NAV2: variants seen among roughly 807,000 people sequenced by gnomAD.
The protein encoded by NAV2 is helicase, APC down-regulated 1.
In NAV2, 54 loss-of-function variants were observed where a neutral mutation model predicts 223.2. The observed-to-expected ratio is 0.24, with a 90% CI of 0.19 to 0.30. The LOEUF is 0.30. Among genes scored for constraint, NAV2 ranks in the 10% least tolerant of loss-of-function variants. The pLI is 1.00. For synonymous variants in NAV2, 1,279 were observed against 1,239.3 expected, an observed-to-expected ratio of 1.03 and a Z score of -0.67; for missense variants, 2,806 against 3,147.5, an observed-to-expected ratio of 0.89 and a Z score of 2.60.
In NAV2 at chr11:19,939,787, C is replaced by T. The variant is rs1338214844; in HGVS notation, c.2146+14C>T. On this transcript the variant is annotated intron_variant, in intron 8 of 37. Coordinates refer to ENST00000349880, the MANE Select transcript of NAV2 (RefSeq NM_145117.5). ...AAGAACTCACTGGTGAGTATGGAGC[C>T]TCAGAAATCTGTGTCTGTTGGTGAT... The T allele has an allele frequency of 1.2e-6, 2 of 1,600,986 alleles. No individual in the cohort carries two copies. The highest frequency in any genetic ancestry group is 4.5e-5 in the East Asian group (2 of 44,776).
chr11:19,483,537 G>A (rs572524959), intron 1 of NAV2, among the ~76,000 whole-genome samples: 6 of 152,250 alleles, frequency 3.9e-5, no homozygotes, highest in Admixed American at 3.3e-4. Context: ...AAAGGTGAAA[G>A]TTCTCAACTT....
At chr11:19,400,271 TTATCTTCATCAATGGA>T (rs1849628572) in intron 1 of NAV2, among the ~76,000 whole-genome samples, 1 of 152,126 alleles carries the variant, frequency 6.6e-6, no homozygotes, top group African/African-American at 2.4e-5. Context: ...GGAAGATACA[TTATCTTCATCAATGGA>T]GTGAGGCTCC....
intron 1 of NAV2, among the ~76,000 whole-genome samples, chr11:19,492,757 T>C (rs1041401655): frequency 6.6e-6 from 1 of 152,212 alleles, no homozygotes; most frequent in African/African-American, 2.4e-5. Flanking sequence ...CAGGATTTTA[T>C]CCAAAGGCTA....
intron 12 of NAV2, 67 bp from the exon 13 acceptor site, chr11:20,043,911 TGCC>T: frequency 6.7e-7 from 1 of 1,490,202 alleles, no homozygotes; most frequent in South Asian, 1.2e-5. Context: ...TTGGCATTTT[TGCC>T]TTTGGAGTGA....
chr11:19,793,619 T>C (rs113661576), intron 1 of NAV2, among the ~76,000 whole-genome samples: 123 of 152,324 alleles, frequency 8.1e-4, no homozygotes, highest in African/African-American at 2.8e-3. Flanking sequence ...CAGCCCTGCC[T>C]CTCTGTTCAT....
At chr11:19,720,037 A>T (rs1001856256) in intron 1 of NAV2, among the ~76,000 whole-genome samples, 24 of 152,224 alleles carry the variant, frequency 1.6e-4, no homozygotes, top group African/African-American at 5.8e-4. Flanking sequence ...CATTGTTCTG[A>T]GGGCAGAAGG....
chr11:19,500,883 T>A (rs1158544978), intron 1 of NAV2, among the ~76,000 whole-genome samples: 1 of 152,242 alleles, frequency 6.6e-6, no homozygotes, highest in Non-Finnish European at 1.5e-5. Context: ...AATAAATTAC[T>A]ACAAACATAG....
At chr11:20,033,304 C>T (rs1369382873) in intron 11 of NAV2, among the ~76,000 whole-genome samples, 5 of 152,202 alleles carry the variant, frequency 3.3e-5, no homozygotes, top group Admixed American at 1.3e-4. Context: ...TAGTTGTTAT[C>T]GCTAAGCAGG....
chr11:19,417,331 A>C (rs938946912), intron 1 of NAV2, among the ~76,000 whole-genome samples: 1 of 152,230 alleles, frequency 6.6e-6, no homozygotes, highest in Non-Finnish European at 1.5e-5. Context: ...GTGGCCAAAA[A>C]ACACATGGAA....
chr11:19,547,930 G>A (rs1011252327), intron 1 of NAV2, among the ~76,000 whole-genome samples: 6 of 152,156 alleles, frequency 3.9e-5, no homozygotes, highest in Admixed American at 6.5e-5. Flanking sequence ...GGAACTTGGC[G>A]GACCCACAGA....
intron 11 of NAV2, among the ~76,000 whole-genome samples, chr11:19,995,482 A>C (rs1029030208): frequency 6.6e-6 from 1 of 152,190 alleles, no homozygotes; most frequent in Admixed American, 6.5e-5. Context: ...TAAGGTGTCC[A>C]TTCTCGCTGT....
chr11:19,592,774 T>G (rs2046097878), intron 1 of NAV2, among the ~76,000 whole-genome samples: 1 of 152,226 alleles, frequency 6.6e-6, no homozygotes, highest in African/African-American at 2.4e-5. Flanking sequence ...TAATGAGAGC[T>G]GATATTGACT....
chr11:19,425,951 T>C (rs1214136720), intron 1 of NAV2, among the ~76,000 whole-genome samples: 1 of 152,186 alleles, frequency 6.6e-6, no homozygotes, highest in Non-Finnish European at 1.5e-5. Flanking sequence ...TTTTGCCTTG[T>C]TTCAATGACA....
intron 1 of NAV2, among the ~76,000 whole-genome samples, chr11:19,523,617 C>T (rs963312927): frequency 2.0e-5 from 3 of 152,080 alleles, no homozygotes; most frequent in Non-Finnish European, 4.4e-5. Context: ...TTCCGAGCCA[C>T]TCTTCTTCTT....
intron 1 of NAV2, among the ~76,000 whole-genome samples, chr11:19,661,273 G>A (rs761234083): frequency 8.5e-5 from 13 of 152,054 alleles, no homozygotes; most frequent in Non-Finnish European, 1.6e-4. Context: ...GCACGTGTCC[G>A]AATTTTTTTT....
chr11:19,810,654 C>T (rs1178901590), intron 1 of NAV2, among the ~76,000 whole-genome samples: 6 of 152,204 alleles, frequency 3.9e-5, no homozygotes, highest in African/African-American at 1.2e-4. Context: ...CCACATGGCT[C>T]ATCCTAGCCT....
intron 1 of NAV2, among the ~76,000 whole-genome samples, chr11:19,558,127 T>A (rs934521109): frequency 6.6e-6 from 1 of 152,240 alleles, no homozygotes; most frequent in Non-Finnish European, 1.5e-5. Flanking sequence ...TTAAGTTTTC[T>A]GTGCCTCAGT....
At chr11:20,007,383 C>G (rs1446824726) in intron 11 of NAV2, among the ~76,000 whole-genome samples, 1 of 152,214 alleles carries the variant, frequency 6.6e-6, no homozygotes, top group Non-Finnish European at 1.5e-5. Context: ...TTCATATGCC[C>G]AGGATGTGTG....
At chr11:20,054,265 A>G (rs1272564952) in intron 18 of NAV2, 25 bp downstream of exon 18, 11 of 1,590,972 alleles carry the variant, frequency 6.9e-6, no homozygotes, top group Non-Finnish European at 6.8e-6. Flanking sequence ...GTCATTACCT[A>G]TGTTGATCAG....
Sources: allele counts gnomAD v4.1 joint callset (sites outside exome capture counted in the v4.1 genomes callset), GRCh38; gene constraint gnomAD v4.1.1; transcripts MANE v1.5; gene names NCBI Gene and HGNC (gene_info 2026-07-23, HGNC 2026-07-21).